Variants in TAMM41 observed in about 807,000 individuals in gnomAD.
TAMM41 encodes the protein phosphatidate cytidylyltransferase, mitochondrial.
Under a neutral mutation model 44.1 loss-of-function variants are expected in TAMM41, and 36 were observed. The observed-to-expected ratio is 0.82, with a 90% CI of 0.63 to 1.08. TAMM41 has a LOEUF of 1.08. Ranked by LOEUF, TAMM41 falls within the 50% of genes least tolerant of loss-of-function variation. The pLI is 0.00. For missense variants in TAMM41, 417 were observed against 404.3 expected (o/e 1.03, Z -0.27); for synonymous variants, 164 against 153.1 (o/e 1.07, Z -0.53).
At chr3:11,764,383 A>C in the TAMM41 span, among the ~76,000 whole-genome samples, 1 of 151,042 alleles carries the variant, frequency 6.6e-6, no homozygotes, top group Non-Finnish European at 1.5e-5. Flanking sequence ...GAAGTGCCAG[A>C]CCCTGACACA....
At chr3:11,820,854 C>T (rs1182710943) in intron 4 of TAMM41, among the ~76,000 whole-genome samples, 1 of 152,160 alleles carries the variant, frequency 6.6e-6, no homozygotes, top group Non-Finnish European at 1.5e-5. Flanking sequence ...TGAAATGATA[C>T]AAACTCCAAG....
intron 7 of TAMM41, among the ~76,000 whole-genome samples, chr3:11,804,913 G>T (rs1184312973): frequency 6.7e-6 from 1 of 148,924 alleles, no homozygotes; most frequent in African/African-American, 2.5e-5. Flanking sequence ...CACCCAGACT[G>T]AAGTGCAGTG....
chr3:11,825,028 C>T (rs1335657503), intron 4 of TAMM41, among the ~76,000 whole-genome samples: 2 of 151,950 alleles, frequency 1.3e-5, no homozygotes, highest in Non-Finnish European at 2.9e-5. Flanking sequence ...TAAGTGTGAA[C>T]CAGGAGTGAC....
chr3:11,753,859 G>A, the TAMM41 span, among the ~76,000 whole-genome samples: 4 of 152,172 alleles, frequency 2.6e-5, no homozygotes, highest in Non-Finnish European at 5.9e-5. Flanking sequence ...CTGACGTGAA[G>A]AAGGAAGGGC....
the TAMM41 span, among the ~76,000 whole-genome samples, chr3:11,751,456 C>G: frequency 1.3e-5 from 2 of 152,146 alleles, no homozygotes; most frequent in East Asian, 3.9e-4. Flanking sequence ...TTTGGCCCCA[C>G]GAATAGCACT....
the TAMM41 span, among the ~76,000 whole-genome samples, chr3:11,735,332 T>C: frequency 6.5e-3 from 991 of 152,308 alleles, 6 homozygotes; most frequent in East Asian, 0.023. Context: ...CATTCCAGCC[T>C]GGGTGACAGA....
intron 6 of TAMM41, 106 bp from the exon 7 acceptor site, chr3:11,808,001 C>G: frequency 6.9e-7 from 1 of 1,441,376 alleles, no homozygotes. Context: ...GTCAGCCAAT[C>G]AAACCACCAA....
chr3:11,734,128 G>A, the TAMM41 span, among the ~76,000 whole-genome samples: 11 of 152,188 alleles, frequency 7.2e-5, no homozygotes, highest in Admixed American at 2.6e-4. Context: ...TCCCATCACC[G>A]GCTCTGTGCA....
At chr3:11,748,491 A>G in the TAMM41 span, among the ~76,000 whole-genome samples, 2 of 150,884 alleles carry the variant, frequency 1.3e-5, no homozygotes, top group African/African-American at 4.9e-5. Context: ...AATCCCTCCT[A>G]CCTCACCCTC....
At chr3:11,754,250 C>T in the TAMM41 span, among the ~76,000 whole-genome samples, 1 of 152,194 alleles carries the variant, frequency 6.6e-6, no homozygotes, top group Non-Finnish European at 1.5e-5. Flanking sequence ...CCCTGTGTCT[C>T]CAGCTCAGCT....
the TAMM41 span, among the ~76,000 whole-genome samples, chr3:11,760,849 C>T: frequency 2.0e-5 from 3 of 152,088 alleles, no homozygotes; most frequent in East Asian, 2.0e-4. Flanking sequence ...GTGTGAACCA[C>T]CACGCTCGAC....
intron 7 of TAMM41, among the ~76,000 whole-genome samples, chr3:11,794,148 A>G (rs898872782): frequency 1.8e-5 from 2 of 112,106 alleles, no homozygotes; most frequent in Non-Finnish European, 4.0e-5. Context: ...ACTTTCTTCA[A>G]TTTTTTTTTT....
intron 5 of TAMM41, chr3:11,809,893 T>TATA (rs2078035807): frequency 2.3e-6 from 1 of 441,770 alleles, no homozygotes; most frequent in Non-Finnish European, 3.9e-6. Context: ...ATTCTTGTCC[T>TATA]ATAATATTCC....
At chr3:11,745,285 C>T in the TAMM41 span, among the ~76,000 whole-genome samples, 2 of 152,194 alleles carry the variant, frequency 1.3e-5, no homozygotes, top group African/African-American at 2.4e-5. Context: ...GAGCCGTGAT[C>T]GTGCCACTGC....
At chr3:11,784,985 TTTTGTA>T in the TAMM41 span, among the ~76,000 whole-genome samples, 2 of 151,958 alleles carry the variant, frequency 1.3e-5, no homozygotes, top group African/African-American at 4.8e-5. Context: ...GAGCATTTTC[TTTTGTA>T]CAAAGGATAG....
downstream of TAMM41, among the ~76,000 whole-genome samples, chr3:11,787,049 G>A (rs2077421894): frequency 6.6e-6 from 1 of 151,842 alleles, no homozygotes; most frequent in Admixed American, 6.7e-5. Context: ...TCACTCACTT[G>A]TCTGGCAATT....
chr3:11,752,625 CTTTTTTTTTTTTTTT>C, the TAMM41 span, among the ~76,000 whole-genome samples: 11 of 39,938 alleles, frequency 2.8e-4, no homozygotes, highest in African/African-American at 9.4e-4. Context: ...TCTTACAAAG[CTTTTTTTTTTTTTTT>C]TTTTTTTTTT....
the TAMM41 span, among the ~76,000 whole-genome samples, chr3:11,748,270 T>TTTTATTTA: frequency 3.3e-5 from 5 of 149,942 alleles, no homozygotes; most frequent in African/African-American, 4.9e-5. Flanking sequence ...TTCTGTACTC[T>TTTTATTTA]TTTATTTATT....
At chr3:11,780,444 T>C in the TAMM41 span, among the ~76,000 whole-genome samples, 6 of 152,176 alleles carry the variant, frequency 3.9e-5, no homozygotes, top group Admixed American at 1.3e-4. Context: ...TCCCTCCAGA[T>C]TGGGAGAACA....
Sources: gnomAD v4.1 joint callset for allele counts (sites outside exome capture counted in the v4.1 genomes callset) on GRCh38, gnomAD v4.1.1 for gene constraint, MANE v1.5 for transcripts, NCBI Gene and HGNC (gene_info 2026-07-23, HGNC 2026-07-21) for gene names.